Variants in CRMP1 observed in about 807,000 individuals in gnomAD.
CRMP1 encodes the protein dihydropyrimidinase-related protein 1.
In CRMP1, 19 loss-of-function variants were observed where a neutral mutation model predicts 68.3. The observed-to-expected ratio is 0.28, with a 90% CI of 0.19 to 0.41. The LOEUF is 0.41. CRMP1 is among the 10% of genes least tolerant of loss of function. CRMP1 has a pLI of 1.00. For synonymous variants in CRMP1, 439 were observed against 399.6 expected, an observed-to-expected ratio of 1.10 and a Z score of -1.18; for missense variants, 791 against 967.4, an observed-to-expected ratio of 0.82 and a Z score of 2.42.
chr4:5,825,659 C>G lies in CRMP1; in HGVS notation c.1804G>C (p.Val602Leu). 1 of 1,612,616 alleles carries G rather than the reference C, an allele frequency of 6.2e-7. No individual in the cohort carries two copies. The highest frequency in any genetic ancestry group is 8.5e-7 in the Non-Finnish European group (1 of 1,179,400). The change falls in exon 13 of 14, where the codon GTT becomes CTT. Residue 602 changes from valine to leucine, a missense_variant and splice_region_variant. Val to Leu is a conservative substitution (Grantham distance 32). Around this residue, in one of 3 missense-constraint regions of CRMP1, gnomAD observed 594 missense variants for 763.6 expected, o/e 0.78. Transcript: ENST00000324989. The surrounding 1 kb of genome is among the most constrained non-coding windows in gnomAD (Gnocchi z 4.4). The part of the protein sequence containing the change: ...LYQRVKIRNK[V>L]FGLQGVSRGM... ...CTGGAAACCCCTTGCAATCCAAAAA[C>G]CTAAACAGAGGAAGGGAGAGTGTGA...
chr4:5,839,591 G>A lies in CRMP1; in HGVS notation c.1241C>T (p.Ala414Val), dbSNP rs1711550704. ...YWSKNWAKAA[A>V]FVTSPPLSPD... Reference sequence around the variant, plus strand: ...GCTCAGGGGAGGGGAAGTCACGAACGCCGCAGCCTTGGCCCAGTTCTTGCT... The same window carrying A: ...GCTCAGGGGAGGGGAAGTCACGAACACCGCAGCCTTGGCCCAGTTCTTGCT... The change falls in exon 9 of 14, where the codon GCG (alanine) becomes GTG (valine). Residue 414 changes from alanine (A) to valine (V), a missense_variant. Physicochemically the swap from Ala to Val is moderately conservative, Grantham distance 64. Coordinates refer to ENST00000324989, the MANE Select transcript of CRMP1 (RefSeq NM_001014809.3). 5 of 1,612,666 alleles carry A rather than the reference G, an allele frequency of 3.1e-6. No homozygotes were observed. Among genetic ancestry groups the A allele is most frequent in the Non-Finnish European group, 4.2e-6 (5 of 1,179,360 alleles).
At chr4:5,833,838 A>C (rs1294384686) in intron 11 of CRMP1, among the ~76,000 whole-genome samples, 1 of 152,080 alleles carries the variant, frequency 6.6e-6, no homozygotes, top group Non-Finnish European at 1.5e-5. Context: ...AGGTCAGGAG[A>C]TCGAGACCAT....
rs1713897098 is a variant in CRMP1 at position 5,865,194 on chromosome 4, C to T, written c.470+1474G>A. The stretch of plus-strand genomic sequence containing the variant: ...TCCCCTCTGCCTTTCCTTCTTGTGC[C>T]AGCCACTCATGCTGGATCCTTAAAC... On this transcript the variant is annotated intron_variant, in intron 2 of 13. Transcript: ENST00000324989. The surrounding 1 kb of genome is among the most constrained non-coding windows in gnomAD (Gnocchi z 4.1). Among the ~76,000 whole-genome samples the T allele has an allele frequency of 6.6e-6, 1 of 152,068 alleles. No individual in the cohort carries two copies. Among genetic ancestry groups the T allele is most frequent in the Non-Finnish European group, 1.5e-5 (1 of 68,026 alleles).
Position 5,850,763 on chromosome 4 carries a change from C to A in CRMP1, c.882+645G>T, listed in dbSNP as rs991977411. ...TTCTCCACCACACTAACAAGCAGAG[C>A]AAGGGAAACTGACAATGAAACAAAA... On this transcript the variant is annotated intron_variant, in intron 5 of 13. Transcript: ENST00000324989. This position sits in a 1 kb window ranked among gnomAD's most constrained non-coding sequence, Gnocchi z 4.4. 5.3e-5 allele frequency among the ~76,000 whole-genome samples: 8 copies of A among 152,148 alleles called. No individual in the cohort carries two copies. Among genetic ancestry groups the A allele is most frequent in the Admixed American group, 5.2e-4 (8 of 15,278 alleles).
At chr4:5,826,006 C>T in intron 12 of CRMP1, 1 of 348,392 alleles carries the variant, frequency 2.9e-6, no homozygotes, top group South Asian at 3.1e-5. Flanking sequence ...CACGCGTGAA[C>T]ACGCACACAC....
chr4:5,874,537 C>T (rs914318046), intron 1 of CRMP1, among the ~76,000 whole-genome samples: 3 of 152,054 alleles, frequency 2.0e-5, no homozygotes, highest in Admixed American at 6.6e-5. Flanking sequence ...GGGAGTTCTG[C>T]GTATTTCATC....
rs1716010182 is a variant in CRMP1 at position 5,892,738 on chromosome 4, G to A, written c.232C>T (p.Pro78Ser). The A allele has an allele frequency of 8.2e-7, 1 of 1,224,708 alleles. No homozygotes were observed. Among genetic ancestry groups the A allele is most frequent in the East Asian group, 3.5e-5 (1 of 28,592 alleles). The allele number at this position is 1,224,708 out of a possible 1,614,324, so 75.9% of individuals were successfully genotyped here. A position where few individuals can be genotyped will look rare whatever the true frequency, so the allele number is the denominator to read the frequency against. Residue 78 changes from proline (P) to serine (S), a missense_variant, in exon 1 of 14, where the codon CCG becomes TCG. Physicochemically the swap from Pro to Ser is moderately conservative, Grantham distance 74. Coordinates refer to ENST00000324989, the MANE Select transcript of CRMP1 (RefSeq NM_001014809.3). This position sits in a 1 kb window ranked among gnomAD's most constrained non-coding sequence, Gnocchi z 8.6. ...GRPDAVGLPG[P>S]GGSEDTASDV... ...CTGGCCGTGTCCTCGCTGCCTCCCGGCCCTGGCAGCCCGACCGCGTCGGGC... is the reference window on the plus strand; with the variant it reads ...CTGGCCGTGTCCTCGCTGCCTCCCGACCCTGGCAGCCCGACCGCGTCGGGC...
chr4:5,858,614 C>G lies in CRMP1; in HGVS notation c.656-2307G>C, dbSNP rs190748359. ...ACCCTCATCTCTCAGCTGAATTACG[C>G]AATCGCCTCCCAACTGGTCCAGACA... On this transcript the variant is annotated intron_variant, in intron 3 of 13. Coordinates refer to ENST00000324989, the MANE Select transcript of CRMP1 (RefSeq NM_001014809.3). This position sits in a 1 kb window ranked among gnomAD's most constrained non-coding sequence, Gnocchi z 5.5. 6.6e-6 allele frequency among the ~76,000 whole-genome samples: 1 copy of G among 152,194 alleles called. No homozygotes were observed. The highest frequency in any genetic ancestry group is 1.5e-5 in the Non-Finnish European group (1 of 68,032).
chr4:5,884,548 A>G (rs1006734140), intron 1 of CRMP1, among the ~76,000 whole-genome samples: 1 of 151,804 alleles, frequency 6.6e-6, no homozygotes, highest in Non-Finnish European at 1.5e-5. Flanking sequence ...CCCTGCTTGA[A>G]TGCAAGCTCT....
At chr4:5,823,058 A>C (rs1474843674) in intron 13 of CRMP1, among the ~76,000 whole-genome samples, 1 of 152,196 alleles carries the variant, frequency 6.6e-6, no homozygotes, top group Non-Finnish European at 1.5e-5. Flanking sequence ...TACTAGCTGC[A>C]GAACACTGGC....
intron 1 of CRMP1, among the ~76,000 whole-genome samples, chr4:5,875,945 G>T (rs1248892538): frequency 2.0e-5 from 3 of 152,134 alleles, no homozygotes; most frequent in African/African-American, 7.2e-5. Flanking sequence ...GAGGTCAGGA[G>T]ATCAAGACCA....
In CRMP1 at chr4:5,821,962, G is replaced by A; in HGVS notation, c.1970-111C>T. 1.2e-6 allele frequency: 1 copy of A among 845,480 alleles called. No homozygotes were observed. The highest frequency in any genetic ancestry group is 1.7e-6 in the Non-Finnish European group (1 of 585,080). 52.4% of individuals were successfully genotyped at this position (845,480 alleles called of 1,614,324 possible). A position where few individuals can be genotyped will look rare whatever the true frequency, so the allele number is the denominator to read the frequency against. ...ACTCCACTGGACCCACCTTCATTCA[G>A]GGCTCAGTCCAGGACCAGCCATGGG... is the stretch of plus-strand genomic sequence containing the variant. On this transcript the variant is annotated intron_variant, in intron 13 of 13. Coordinates refer to ENST00000324989, the MANE Select transcript of CRMP1 (RefSeq NM_001014809.3). The surrounding 1 kb of genome is among the most constrained non-coding windows in gnomAD (Gnocchi z 4.4).
At position 5,883,168 on chromosome 4, in the gene CRMP1, A is replaced by G. The variant is rs1715318791; in HGVS notation, c.381+9421T>C. 6.6e-6 allele frequency among the ~76,000 whole-genome samples: 1 copy of G among 152,108 alleles called. No homozygotes were observed. Among genetic ancestry groups the G allele is most frequent in the South Asian group, 2.1e-4 (1 of 4,822 alleles). Reference sequence around the variant, plus strand: ...GAAGCCATCTCTTGTTGCTTCTGCCAGGGCTGAGTCATCTCTTCTCTGAAT... The same window carrying G: ...GAAGCCATCTCTTGTTGCTTCTGCCGGGGCTGAGTCATCTCTTCTCTGAAT... On this transcript the variant is annotated intron_variant, in intron 1 of 13. Transcript: ENST00000324989. The surrounding 1 kb of genome is among the most constrained non-coding windows in gnomAD (Gnocchi z 4.5).
intron 1 of CRMP1, among the ~76,000 whole-genome samples, chr4:5,878,401 C>G (rs1485545132): frequency 2.0e-5 from 3 of 152,114 alleles, no homozygotes; most frequent in African/African-American, 7.2e-5. Flanking sequence ...CTCACCTGCC[C>G]TCTTGACACG....
Position 5,891,873 on chromosome 4 carries a change from C to T in CRMP1, c.381+716G>A, listed in dbSNP as rs28369282. On this transcript the variant is annotated intron_variant, in intron 1 of 13. Coordinates refer to ENST00000324989, the MANE Select transcript of CRMP1 (RefSeq NM_001014809.3). This position sits in a 1 kb window ranked among gnomAD's most constrained non-coding sequence, Gnocchi z 5.2. ...GGCCCCATGCTCAGGTCCGGGAGGCCAGAGACCCCAGTTCAAATCCCAGCT... is the reference window on the plus strand; with the variant it reads ...GGCCCCATGCTCAGGTCCGGGAGGCTAGAGACCCCAGTTCAAATCCCAGCT... Among the ~76,000 whole-genome samples the T allele has an allele frequency of 0.45, 68,424 of 152,010 alleles. 16,766 individuals carry two copies. Among genetic ancestry groups the T allele is most frequent in the East Asian group, 0.73 (3,775 of 5,142 alleles).
At chr4:5,851,532 A>G in intron 4 of CRMP1, 63 bp from the exon 5 acceptor site, 1 of 1,503,010 alleles carries the variant, frequency 6.7e-7, no homozygotes, top group East Asian at 2.3e-5. Flanking sequence ...TGTCTTTCCA[A>G]TAAATCAATG....
chr4:5,837,078 C>T (rs1720775247), intron 9 of CRMP1, among the ~76,000 whole-genome samples, 172 bp from the exon 10 acceptor site: 1 of 152,162 alleles, frequency 6.6e-6, no homozygotes, highest in African/African-American at 2.4e-5. Flanking sequence ...TCAGGGATGC[C>T]CCATTTATGT....
chr4:5,868,261 C>CTACATATA (rs1714139920), intron 1 of CRMP1, among the ~76,000 whole-genome samples: 1 of 111,472 alleles, frequency 9.0e-6, no homozygotes, highest in African/African-American at 3.4e-5. Context: ...GACTATATAT[C>CTACATATA]TATATATATA....
At chr4:5,851,945 G>C (rs1396072526) in intron 4 of CRMP1, among the ~76,000 whole-genome samples, 1 of 139,018 alleles carries the variant, frequency 7.2e-6, no homozygotes, top group Non-Finnish European at 1.5e-5. Context: ...AAGAGGAGGA[G>C]AAAGGGAGAA....
Sources: gnomAD v4.1 joint callset for allele counts (sites outside exome capture counted in the v4.1 genomes callset) on GRCh38, gnomAD v4.1.1 for gene constraint, gnomAD v4.1.1 regional missense constraint, Gnocchi (gnomAD v3.1) non-coding constraint, MANE v1.5 for transcripts, NCBI Gene and HGNC (gene_info 2026-07-23, HGNC 2026-07-21) for gene names.